Variants in WWOX observed in about 807,000 individuals in gnomAD.
WWOX encodes WW domain-containing oxidoreductase.
Under a neutral mutation model 46.2 loss-of-function variants are expected in WWOX, and 69 were observed. That is an observed-to-expected ratio of 1.49 (90% CI 1.23 to 1.82). The LOEUF (loss-of-function observed/expected upper bound fraction) is 1.82, where lower values mean the gene tolerates loss of function less well. Ranked by LOEUF, WWOX falls within the 40% of genes most tolerant of loss-of-function variation. The pLI, the probability that WWOX is intolerant of heterozygous loss-of-function variation, is 0.00. For synonymous variants in WWOX, 359 were observed against 202.6 expected (o/e 1.77, Z -6.56); for missense variants, 919 against 542.6 (o/e 1.69, Z -6.89).
At chr16:78,471,157 G>T (rs1364770383) in intron 8 of WWOX, among the ~76,000 whole-genome samples, 1 of 152,164 alleles carries the variant, frequency 6.6e-6, no homozygotes, top group Non-Finnish European at 1.5e-5. Flanking sequence ...ATGACAGAAG[G>T]TCCTCACGTT....
intron 8 of WWOX, among the ~76,000 whole-genome samples, chr16:78,959,846 G>A (rs1173880928): frequency 6.6e-6 from 1 of 152,206 alleles, no homozygotes; most frequent in Non-Finnish European, 1.5e-5. Flanking sequence ...AAAAGATCCT[G>A]ATGCCTGGTT....
At chr16:79,179,599 T>A (rs2050869221) in intron 8 of WWOX, among the ~76,000 whole-genome samples, 1 of 152,254 alleles carries the variant, frequency 6.6e-6, no homozygotes, top group Non-Finnish European at 1.5e-5. Context: ...ATGTAGCTTC[T>A]GGCTGGTTCC....
intron 8 of WWOX, among the ~76,000 whole-genome samples, chr16:79,164,329 G>C (rs148754125): frequency 3.5e-4 from 53 of 152,266 alleles, no homozygotes; most frequent in Non-Finnish European, 5.4e-4. Context: ...AAAACGGGGA[G>C]ATGGCCATGA....
intron 8 of WWOX, among the ~76,000 whole-genome samples, chr16:79,130,773 A>G (rs1597401310): frequency 6.6e-6 from 1 of 152,334 alleles, no homozygotes; most frequent in East Asian, 1.9e-4. Flanking sequence ...CAGAGTCTTC[A>G]TCTTGTTGGG....
At chr16:78,740,805 T>C (rs114762701) in intron 8 of WWOX, among the ~76,000 whole-genome samples, 1,678 of 152,308 alleles carry the variant, frequency 0.011, 35 homozygotes, top group African/African-American at 0.038. Flanking sequence ...CGTGTGTGCA[T>C]GAGCGTGTCT....
At chr16:78,360,344 G>T (rs1473829010) in intron 5 of WWOX, among the ~76,000 whole-genome samples, 2 of 152,118 alleles carry the variant, frequency 1.3e-5, no homozygotes, top group Non-Finnish European at 2.9e-5. Flanking sequence ...CCAGCACTTT[G>T]GGAGGCCGAA....
At chr16:78,315,665 A>C (rs1213380690) in intron 5 of WWOX, among the ~76,000 whole-genome samples, 1 of 152,176 alleles carries the variant, frequency 6.6e-6, no homozygotes, top group Non-Finnish European at 1.5e-5. Flanking sequence ...AATAAAAATG[A>C]ATAAAAATTA....
intron 8 of WWOX, among the ~76,000 whole-genome samples, chr16:78,944,215 T>A (rs994729816): frequency 6.6e-6 from 1 of 152,082 alleles, no homozygotes; most frequent in African/African-American, 2.4e-5. Context: ...TAATCTCTTC[T>A]ACCCTCCCTT....
chr16:78,306,288 T>C (rs2080133951), intron 5 of WWOX, among the ~76,000 whole-genome samples: 1 of 152,186 alleles, frequency 6.6e-6, no homozygotes, highest in South Asian at 2.1e-4. Flanking sequence ...ATAATTACAG[T>C]ATACGATTCT....
intron 4 of WWOX, among the ~76,000 whole-genome samples, chr16:78,116,253 C>G (rs2032785203): frequency 6.6e-6 from 1 of 152,128 alleles, no homozygotes; most frequent in South Asian, 2.1e-4. Flanking sequence ...TTCTTTCTTT[C>G]TATCTTTTTT....
chr16:78,568,992 C>T (rs1176620690), intron 8 of WWOX, among the ~76,000 whole-genome samples: 1 of 152,172 alleles, frequency 6.6e-6, no homozygotes, highest in Non-Finnish European at 1.5e-5. Flanking sequence ...TCTGGATTTA[C>T]CCAGATAGTG....
chr16:79,169,882 T>C (rs2050667074), intron 8 of WWOX, among the ~76,000 whole-genome samples: 1 of 152,146 alleles, frequency 6.6e-6, no homozygotes, highest in Non-Finnish European at 1.5e-5. Flanking sequence ...GCGGGCTTGA[T>C]GGGCCCAGAA....
Position 78,274,076 on chromosome 16 carries a change from A to C in WWOX, c.516+109787A>C, listed in dbSNP as rs183252713. 1.7e-3 allele frequency among the ~76,000 whole-genome samples: 262 copies of C among 152,336 alleles called. 1 individual carries two copies. The highest frequency in any genetic ancestry group is 1.8e-3 in the Non-Finnish European group (124 of 68,034). On this transcript the variant is annotated intron_variant, in intron 5 of 8. Transcript: ENST00000566780. ...TCAAACTACAAACAAATACACTCCC[A>C]AAACCTCAATAGATTCTCCCAGTAT...
chr16:78,574,706 C>T (rs1597290270), intron 8 of WWOX, among the ~76,000 whole-genome samples: 1 of 151,398 alleles, frequency 6.6e-6, no homozygotes, highest in Admixed American at 6.6e-5. Flanking sequence ...CACAGACAGA[C>T]AAAGACATAT....
intron 5 of WWOX, among the ~76,000 whole-genome samples, chr16:78,309,058 TA>T (rs1163136262): frequency 4.6e-5 from 7 of 152,162 alleles, no homozygotes; most frequent in African/African-American, 7.2e-5. Flanking sequence ...GGTGTTTAGT[TA>T]ATAACTCTTG....
chr16:78,591,283 C>T (rs1483796464), intron 8 of WWOX, among the ~76,000 whole-genome samples: 1 of 152,206 alleles, frequency 6.6e-6, no homozygotes, highest in East Asian at 1.9e-4. Flanking sequence ...AGCCCCTCAA[C>T]ACACTTAGGC....
intron 8 of WWOX, among the ~76,000 whole-genome samples, chr16:79,169,254 T>G (rs1422612526): frequency 1.5e-5 from 2 of 135,390 alleles, no homozygotes; most frequent in Non-Finnish European, 3.2e-5. Flanking sequence ...GACAGTAGTT[T>G]GTTTTTAGCA....
At chr16:78,853,079 G>C (rs370992170) in intron 8 of WWOX, among the ~76,000 whole-genome samples, 1 of 152,322 alleles carries the variant, frequency 6.6e-6, no homozygotes, top group East Asian at 1.9e-4. Context: ...GATGGGGTTA[G>C]TGTGGGAGTT....
Position 78,345,639 on chromosome 16 carries a change from CAAAAAAAAAAAA to C in WWOX, c.517-41208_517-41197del, listed in dbSNP as rs1193432164. Reference sequence around the variant, plus strand: ...TGGGTGGCAGAGCAAGACCCTGTCTCAAAAAAAAAAAAAAAAAAAAAAAAGTAAAATAAAGCA... The same window carrying C: ...TGGGTGGCAGAGCAAGACCCTGTCTCAAAAAAAAAAAAGTAAAATAAAGCA... On this transcript the variant is annotated intron_variant, in intron 5 of 8. Coordinates refer to ENST00000566780, the MANE Select transcript of WWOX (RefSeq NM_016373.4). Among the ~76,000 whole-genome samples the C allele has an allele frequency of 4.4e-4, 11 of 25,020 alleles. 4 individuals carry two copies. Among genetic ancestry groups the C allele is most frequent in the African/African-American group, 1.1e-3 (10 of 8,864 alleles). 16.4% of individuals were successfully genotyped at this position (25,020 alleles called of 152,430 possible). A position where few individuals can be genotyped will look rare whatever the true frequency, so the allele number is the denominator to read the frequency against.
Sources: gnomAD v4.1 joint callset for allele counts (sites outside exome capture counted in the v4.1 genomes callset) on GRCh38, gnomAD v4.1.1 for gene constraint, MANE v1.5 for transcripts, NCBI Gene and HGNC (gene_info 2026-07-23, HGNC 2026-07-21) for gene names.